Variants in ESRP1 observed in about 807,000 individuals in gnomAD.
ESRP1 encodes RNA-binding motif protein 35A.
A neutral mutation model predicts 81.7 loss-of-function variants in ESRP1; 33 were observed. The ratio of observed to expected loss-of-function variants is 0.40; its 90% CI spans 0.31 to 0.54. The LOEUF (loss-of-function observed/expected upper bound fraction) is 0.54. Among genes scored for constraint, ESRP1 ranks in the 20% least tolerant of loss-of-function variants. The pLI is 0.41. For missense variants in ESRP1, 672 were observed against 833.1 expected (o/e 0.81, Z 2.38); for synonymous variants, 320 against 303.3 (o/e 1.06, Z -0.57).
intron 4 of ESRP1, among the ~76,000 whole-genome samples, chr8:94,651,930 G>C (rs529691740): frequency 1.4e-5 from 2 of 147,852 alleles, no homozygotes; most frequent in South Asian, 2.2e-4. Context: ...GTGTAGTTCT[G>C]GTTCTTATTT....
intron 4 of ESRP1, among the ~76,000 whole-genome samples, chr8:94,658,319 A>G (rs1377280393): frequency 6.6e-6 from 1 of 152,252 alleles, no homozygotes; most frequent in African/African-American, 2.4e-5. Flanking sequence ...AATGGTGTCC[A>G]GTAAATGCCA....
At chr8:94,684,190 A>G (rs1166541472) in intron 13 of ESRP1, among the ~76,000 whole-genome samples, 1 of 152,214 alleles carries the variant, frequency 6.6e-6, no homozygotes, top group Admixed American at 6.5e-5. Flanking sequence ...TTGACAGCAC[A>G]TAAATTTGCC....
At chr8:94,695,589 T>C (rs1295816113) in intron 14 of ESRP1, among the ~76,000 whole-genome samples, 1 of 151,254 alleles carries the variant, frequency 6.6e-6, no homozygotes, top group Non-Finnish European at 1.5e-5. Flanking sequence ...GGTCTCGAAC[T>C]CCTGACCTCG....
At chr8:94,675,037 A>C (rs140090573) in intron 12 of ESRP1, among the ~76,000 whole-genome samples, 122 of 152,376 alleles carry the variant, frequency 8.0e-4, no homozygotes, top group African/African-American at 2.8e-3. Flanking sequence ...AACAAAAAAA[A>C]CCACATAGAT....
chr8:94,661,032 C>T lies in ESRP1; in HGVS notation c.491-1240C>T, dbSNP rs149446575. Among the ~76,000 whole-genome samples the T allele has an allele frequency of 7.0e-4, 106 of 152,140 alleles. 1 individual carries two copies. Among genetic ancestry groups the T allele is most frequent in the African/African-American group, 2.5e-3 (105 of 41,496 alleles). On this transcript the variant is annotated intron_variant, in intron 4 of 15. Transcript: ENST00000433389. The stretch of plus-strand genomic sequence containing the variant: ...TCAGATGATTAACATGTTTTAGCAA[C>T]AAAGTTGTTCTGTTGTTTTTTATTT...
At chr8:94,658,114 G>A (rs992419258) in intron 4 of ESRP1, among the ~76,000 whole-genome samples, 1 of 152,172 alleles carries the variant, frequency 6.6e-6, no homozygotes, top group African/African-American at 2.4e-5. Flanking sequence ...AGTTCACCAT[G>A]TTGGCTAGGC....
rs1190450825 is a variant in ESRP1, at chr8:94,665,257, A to T, written c.931+61A>T. 3 of 1,526,194 alleles carry T rather than the reference A, an allele frequency of 2.0e-6. No homozygotes were observed. The African/African-American group carries it at 4.1e-5, about 21-fold the overall frequency. The allele number at this position is 1,526,194 out of a possible 1,614,324, so 94.5% of individuals were successfully genotyped here. A position where few individuals can be genotyped will look rare whatever the true frequency, so the allele number is the denominator to read the frequency against. On this transcript the variant is annotated intron_variant, in intron 9 of 15. Coordinates refer to ENST00000433389, the MANE Select transcript of ESRP1 (RefSeq NM_017697.4). ...AAGAATCTAAAAATTTTGCATACTT[A>T]AATTTAGCAAGAGTAGGTGAATAGG...
chr8:94,701,932 G>T (rs771295768), intron 15 of ESRP1, among the ~76,000 whole-genome samples: 3 of 152,184 alleles, frequency 2.0e-5, no homozygotes, highest in Non-Finnish European at 2.9e-5. Context: ...TTAAAAGATA[G>T]CCAGGTGTCG....
Position 94,706,067 on chromosome 8 carries a change from G to C in ESRP1, c.*178G>C. ...ACGGGCCTGTGCCTTATCTTTTGGT[G>C]GAGTGAAAAAATTTGAGCTAGTGAA... On this transcript the variant is annotated 3_prime_UTR_variant, in exon 16 of 16. Coordinates refer to ENST00000433389, the MANE Select transcript of ESRP1 (RefSeq NM_017697.4). 9.4e-7 allele frequency: 1 copy of C among 1,060,474 alleles called. No individual in the cohort carries two copies. The highest frequency in any genetic ancestry group is 1.7e-5 in the South Asian group (1 of 59,190). The allele number at this position is 1,060,474 out of a possible 1,614,324, so 65.7% of individuals were successfully genotyped here.
Position 94,668,049 on chromosome 8 carries a change from C to T in ESRP1, c.1032C>T (p.Ala344=), listed in dbSNP as rs1172400310. 3.1e-6 allele frequency: 5 copies of T among 1,613,964 alleles called. No individual in the cohort carries two copies. In the East Asian group the frequency reaches 1.1e-4, roughly 36 times the overall value. Residue 344 remains alanine (A), a synonymous_variant, in exon 10 of 16, where the codon GCC becomes GCT. Coordinates refer to ENST00000433389, the MANE Select transcript of ESRP1 (RefSeq NM_017697.4). ...CGGCCACAGCTGAAGAAGTGGTGGC[C>T]TTCTTTGGACAGCATTGCCCTATTA... ...PFTATAEEVV[A]FFGQHCPITG... is the part of the protein sequence containing the mutation.
At chr8:94,669,255 T>C (rs569515960) in intron 10 of ESRP1, among the ~76,000 whole-genome samples, 8 of 152,328 alleles carry the variant, frequency 5.3e-5, no homozygotes, top group African/African-American at 1.9e-4. Context: ...ATAAATGGTA[T>C]AGACTGCTTT....
intron 13 of ESRP1, among the ~76,000 whole-genome samples, chr8:94,686,386 C>T (rs12543514): frequency 0.35 from 53,295 of 152,156 alleles, 9,838 homozygotes; most frequent in East Asian, 0.56. Context: ...CCTAAGTAAT[C>T]AATGTCTTTG....
intron 13 of ESRP1, among the ~76,000 whole-genome samples, chr8:94,690,612 G>A (rs901124064): frequency 3.3e-5 from 5 of 152,004 alleles, no homozygotes; most frequent in East Asian, 1.9e-4. Flanking sequence ...CCTTAGATGC[G>A]GAATATAATT....
intron 13 of ESRP1, among the ~76,000 whole-genome samples, chr8:94,680,220 C>T (rs1808818730): frequency 1.3e-5 from 2 of 152,076 alleles, no homozygotes; most frequent in Non-Finnish European, 2.9e-5. Context: ...AAAGGAAGGT[C>T]AGGTGCGTTA....
chr8:94,694,486 C>T (rs920553915), intron 14 of ESRP1, among the ~76,000 whole-genome samples: 3 of 152,134 alleles, frequency 2.0e-5, no homozygotes, highest in African/African-American at 4.8e-5. Context: ...CGCCTGTAGT[C>T]GCAGCTACTC....
At chr8:94,642,316 G>T (rs1157487957) in intron 2 of ESRP1, among the ~76,000 whole-genome samples, 1 of 152,224 alleles carries the variant, frequency 6.6e-6, no homozygotes, top group Non-Finnish European at 1.5e-5. Context: ...TAGTTTTCGA[G>T]TTGCTTCCTG....
At chr8:94,689,083 T>G (rs1809264162) in intron 13 of ESRP1, among the ~76,000 whole-genome samples, 1 of 152,052 alleles carries the variant, frequency 6.6e-6, no homozygotes, top group African/African-American at 2.4e-5. Context: ...AAATCCTGTC[T>G]CTACTAAAAA....
intron 13 of ESRP1, among the ~76,000 whole-genome samples, chr8:94,687,655 T>C (rs994841850): frequency 5.3e-5 from 8 of 152,346 alleles, no homozygotes; most frequent in Admixed American, 5.2e-4. Flanking sequence ...ATGATTTTGA[T>C]TTGCATTTCC....
chr8:94,667,840 G>A (rs1260262305), intron 9 of ESRP1, 109 bp from the exon 10 acceptor site: 1 of 891,144 alleles, frequency 1.1e-6, no homozygotes, highest in African/African-American at 1.7e-5. Context: ...AGGAGTATGG[G>A]TCTTCATTAT....
Sources: gnomAD v4.1 joint callset for allele counts (sites outside exome capture counted in the v4.1 genomes callset) on GRCh38, gnomAD v4.1.1 for gene constraint, MANE v1.5 for transcripts, NCBI Gene and HGNC (gene_info 2026-07-23, HGNC 2026-07-21) for gene names.